The following BST1 variants were observed in gnomAD, a reference collection of about 807,000 sequenced individuals.
BST1 encodes ADP-ribosyl cyclase/cyclic ADP-ribose hydrolase 2.
A neutral mutation model predicts 40.6 loss-of-function variants in BST1; 49 were observed. The ratio of observed to expected loss-of-function variants is 1.21; its 90% confidence interval spans 0.96 to 1.53. The LOEUF (loss-of-function observed/expected upper bound fraction) is 1.53. BST1 is among the 40% of genes most tolerant of loss of function. The probability of loss-of-function intolerance (pLI) is 0.00; values close to 1 mark genes in which losing one functional copy is unlikely to be tolerated. For synonymous variants in BST1, 157 were observed against 159.3 expected (o/e 0.99, Z 0.11); for missense variants, 423 against 395.9 (o/e 1.07, Z -0.58).
intron 8 of BST1, 94 bp from the exon 9 acceptor site, chr4:15,731,646 A>C: frequency 6.8e-7 from 1 of 1,469,964 alleles, no homozygotes; most frequent in Non-Finnish European, 9.3e-7. Context: ...GCTCCGCGCT[A>C]ACCAGAAAAG....
At chr4:15,748,122 C>T in the BST1 span, among the ~76,000 whole-genome samples, 496 of 152,336 alleles carry the variant, frequency 3.3e-3, 6 homozygotes, top group African/African-American at 0.011. Flanking sequence ...CTCATTCTTT[C>T]TTATCCAGCC....
At chr4:15,769,468 T>G in the BST1 span, among the ~76,000 whole-genome samples, 1 of 152,094 alleles carries the variant, frequency 6.6e-6, no homozygotes, top group South Asian at 2.1e-4. Context: ...ATTGGCTGCT[T>G]TTTGCTTGAC....
downstream of BST1, among the ~76,000 whole-genome samples, chr4:15,736,470 C>T (rs1483874918): frequency 6.6e-6 from 1 of 151,906 alleles, no homozygotes; most frequent in Admixed American, 6.6e-5. Context: ...ATTAGCTGGG[C>T]GTGGTGGCAC....
chr4:15,753,614 G>A, the BST1 span, among the ~76,000 whole-genome samples: 1 of 152,202 alleles, frequency 6.6e-6, no homozygotes, highest in Admixed American at 6.5e-5. Flanking sequence ...AGCTCTCAAA[G>A]TGTGGCCCAG....
chr4:15,748,642 T>G, the BST1 span, among the ~76,000 whole-genome samples: 3 of 152,214 alleles, frequency 2.0e-5, no homozygotes, highest in African/African-American at 7.2e-5. Context: ...TGTAGGATTT[T>G]CGCACAGTCT....
chr4:15,714,131 T>C (rs1435209592), intron 4 of BST1, among the ~76,000 whole-genome samples: 1 of 152,218 alleles, frequency 6.6e-6, no homozygotes, highest in Non-Finnish European at 1.5e-5. Flanking sequence ...GCAACCCGTT[T>C]AGCATAGTGG....
chr4:15,725,311 T>G (rs1721040567), intron 8 of BST1, among the ~76,000 whole-genome samples: 1 of 152,182 alleles, frequency 6.6e-6, no homozygotes, highest in Non-Finnish European at 1.5e-5. Flanking sequence ...GGCTGGAAAT[T>G]AGGACAACAG....
chr4:15,737,648 T>G, downstream of BST1: 1 of 456,174 alleles, frequency 2.2e-6, no homozygotes, highest in South Asian at 1.7e-5. Flanking sequence ...GGAAGACCCC[T>G]GAGCACAAGG....
At chr4:15,765,024 G>C in the BST1 span, among the ~76,000 whole-genome samples, 4 of 151,852 alleles carry the variant, frequency 2.6e-5, no homozygotes, top group African/African-American at 7.3e-5. Context: ...TGGGCTTCAG[G>C]CTTCAGTCTC....
chr4:15,737,721 T>G (rs542559560), downstream of BST1: 79 of 1,179,170 alleles, frequency 6.7e-5, 1 homozygote, highest in South Asian at 8.9e-4. Flanking sequence ...CCAGGTACCT[T>G]ACACTTGGCT....
chr4:15,736,970 A>C (rs1189048121), downstream of BST1, among the ~76,000 whole-genome samples: 1 of 152,128 alleles, frequency 6.6e-6, no homozygotes, highest in African/African-American at 2.4e-5. Flanking sequence ...GCAGCCTAAC[A>C]TTGTGGCCAA....
Position 15,705,593 on chromosome 4 carries a change from C to G in BST1, c.267C>G (p.Asp89Glu). 6.2e-7 allele frequency: 1 copy of G among 1,614,008 alleles called. No homozygotes were observed. The highest frequency in any genetic ancestry group is 8.5e-7 in the Non-Finnish European group (1 of 1,179,914). ...DKDPCSVLPS[D>E]YDLFINLSRH... ...ATCCCTGCTCCGTGCTGCCCTCAGA[C>G]TATGACCTTTTTATTAACTTGTCCA... is the stretch of plus-strand genomic sequence containing the variant. Residue 89 changes from aspartate (D) to glutamate (E), a missense_variant, in exon 2 of 9, where the codon GAC becomes GAG. Transcript: ENST00000265016.
chr4:15,731,853 CTG>C lies in BST1; in HGVS notation c.*12_*13del. ...TCCAGGACTCAACTGTAACTGGAAA[CTG>C]TGTTGCTCTAACCCTCCTCCAGCCC... is the stretch of plus-strand genomic sequence containing the variant. On this transcript the variant is annotated 3_prime_UTR_variant, in exon 9 of 9. Coordinates refer to ENST00000265016, the MANE Select transcript of BST1 (RefSeq NM_004334.3). 3.1e-6 allele frequency: 5 copies of C among 1,610,526 alleles called. No homozygotes were observed. The highest frequency in any genetic ancestry group is 4.2e-6 in the Non-Finnish European group (5 of 1,178,340).
chr4:15,739,147 C>T (rs1721672790), downstream of BST1, among the ~76,000 whole-genome samples: 1 of 152,212 alleles, frequency 6.6e-6, no homozygotes, highest in East Asian at 1.9e-4. Context: ...ATTGCTGAGA[C>T]TGGGAGCTTG....
the BST1 span, among the ~76,000 whole-genome samples, chr4:15,771,071 G>A: frequency 7.2e-5 from 11 of 152,206 alleles, no homozygotes; most frequent in South Asian, 1.7e-3. Flanking sequence ...GCCCATGGTG[G>A]GTCCTTAATA....
chr4:15,738,914 G>A (rs140910621), downstream of BST1, among the ~76,000 whole-genome samples: 11 of 152,302 alleles, frequency 7.2e-5, no homozygotes, highest in African/African-American at 2.2e-4. Flanking sequence ...CCAGGCAAGC[G>A]GACCTAGCTC....
intron 8 of BST1, among the ~76,000 whole-genome samples, chr4:15,730,697 A>G (rs1489820319): frequency 6.6e-6 from 1 of 152,178 alleles, no homozygotes; most frequent in Non-Finnish European, 1.5e-5. Flanking sequence ...TTGAGATGGT[A>G]TTTCAATGAC....
intron 8 of BST1, among the ~76,000 whole-genome samples, chr4:15,726,869 ATTT>A (rs58317518): frequency 0.044 from 5,728 of 129,526 alleles, 268 homozygotes; most frequent in East Asian, 0.26. Context: ...TTTCCTCGGT[ATTT>A]TTTTTTTTTT....
At chr4:15,707,315 T>G (rs1036305586) in intron 2 of BST1, among the ~76,000 whole-genome samples, 196 bp from the exon 3 acceptor site, 6 of 152,154 alleles carry the variant, frequency 3.9e-5, no homozygotes, top group African/African-American at 1.4e-4. Context: ...CATGATACCC[T>G]GGGAATAAAG....
Sources: gnomAD v4.1 joint callset for allele counts (sites outside exome capture counted in the v4.1 genomes callset) on GRCh38, gnomAD v4.1.1 for gene constraint, MANE v1.5 for transcripts, NCBI Gene and HGNC (gene_info 2026-07-23, HGNC 2026-07-21) for gene names.